TRANK1: variants seen among roughly 807,000 people sequenced by gnomAD.
TRANK1 encodes TPR and ankyrin repeat-containing protein 1.
TRANK1 carries 198 observed loss-of-function variants against 266.0 expected under a neutral mutation model. The observed-to-expected ratio is 0.74, with a 90% CI of 0.66 to 0.84. The LOEUF is 0.84. Among genes scored for constraint, TRANK1 ranks in the 40% least tolerant of loss-of-function variants. The probability of loss-of-function intolerance (pLI) is 0.00; values close to 1 mark genes in which losing one functional copy is unlikely to be tolerated. For missense variants in TRANK1, 3,326 were observed against 3,634.6 expected (o/e 0.92, Z 2.18); for synonymous variants, 1,396 against 1,384.1 (o/e 1.01, Z -0.19).
rs1456120887 is a variant in TRANK1, at chr3:36,832,093, T to A, written c.7490A>T (p.Asp2497Val). The A allele has an allele frequency of 1.9e-6, 3 of 1,613,914 alleles. No homozygotes were observed. The highest frequency in any genetic ancestry group is 1.7e-6 in the Non-Finnish European group (2 of 1,179,908). ...HYWEFLFSKKDKELGDVFSII... is the reference protein window; with the variant it reads ...HYWEFLFSKKVKELGDVFSII... Reference sequence around the variant, plus strand: ...GGAGAACACATCCCCAAGCTCCTTGTCCTTCTTGCTAAACAGGAACTCCCA... The same window carrying A: ...GGAGAACACATCCCCAAGCTCCTTGACCTTCTTGCTAAACAGGAACTCCCA... The change falls in exon 22 of 24, where the codon GAC (aspartate) becomes GTC (valine). Residue 2497 changes from aspartate (D) to valine (V), a missense_variant. Physicochemically the swap from Asp to Val is radical, Grantham distance 152. Transcript: ENST00000645898.
Position 36,903,199 on chromosome 3 carries a change from C to T in TRANK1, c.232G>A (p.Ala78Thr), listed in dbSNP as rs1318098355. 5.9e-6 allele frequency: 9 copies of T among 1,537,362 alleles called. No individual in the cohort carries two copies. The highest frequency in any genetic ancestry group is 7.8e-6 in the Non-Finnish European group (9 of 1,146,944). Residue 78 changes from alanine to threonine, a missense_variant, in exon 3 of 24, where the codon GCA (alanine) becomes ACA (threonine). Coordinates refer to ENST00000645898, the MANE Select transcript of TRANK1 (RefSeq NM_001329998.2). ...AGACATTCCTTGGCAGCAACAAATGCCTCATTCCACTTCCCAAGGCTGAAA... is the reference window on the plus strand; with the variant it reads ...AGACATTCCTTGGCAGCAACAAATGTCTCATTCCACTTCCCAAGGCTGAAA... ...AFFSLGKWNE[A>T]FVAAKECLQW...
At chr3:36,846,736 C>T (rs1049180359) in intron 16 of TRANK1, among the ~76,000 whole-genome samples, 9 of 152,172 alleles carry the variant, frequency 5.9e-5, no homozygotes, top group African/African-American at 1.9e-4. Context: ...ATTATAGACT[C>T]ACTGAAAGTT....
intron 18 of TRANK1, among the ~76,000 whole-genome samples, chr3:36,840,253 T>G (rs1199856613): frequency 6.6e-6 from 1 of 151,884 alleles, no homozygotes; most frequent in Non-Finnish European, 1.5e-5. Context: ...AAAAAAATTC[T>G]TGGTTTCATA....
At position 36,827,923 on chromosome 3, in the gene TRANK1, C is replaced by T; in HGVS notation, c.*352G>A. ...CTGAGGTGAGGAGAGTCTGTCCTAA[C>T]ACCTAGTCCTCTGCTACCAACTCAT... On this transcript the variant is annotated 3_prime_UTR_variant, in exon 24 of 24. Coordinates refer to ENST00000645898, the MANE Select transcript of TRANK1 (RefSeq NM_001329998.2). The T allele has an allele frequency of 4.6e-6, 1 of 216,240 alleles. No homozygotes were observed. Among genetic ancestry groups the T allele is most frequent in the Non-Finnish European group, 9.4e-6 (1 of 106,164 alleles). The allele number at this position is 216,240 out of a possible 1,614,324, so 13.4% of individuals were successfully genotyped here.
At chr3:36,873,006 T>C (rs1316863439) in intron 9 of TRANK1, among the ~76,000 whole-genome samples, 1 of 152,180 alleles carries the variant, frequency 6.6e-6, no homozygotes, top group Admixed American at 6.5e-5. Flanking sequence ...AATTTATACA[T>C]TGTGAGGAAC....
rs1212700392 is a variant in TRANK1, at chr3:36,855,296, A to G, written c.4426T>C (p.Phe1476Leu). 3.7e-6 allele frequency: 6 copies of G among 1,614,074 alleles called. No homozygotes were observed. The highest frequency in any genetic ancestry group is 5.1e-6 in the Non-Finnish European group (6 of 1,179,904). The change falls in exon 13 of 24, where the codon TTC (phenylalanine) becomes CTC (leucine). Residue 1476 changes from phenylalanine (F) to leucine (L), a missense_variant. Transcript: ENST00000645898. ...AGAGAGCGCAGATCGCTGAAGCGGA[A>G]GGCCACGCCCTTCATGATGCTCTGG... ...TAQSIMKGVA[F>L]RFSDLRSLFH...
At chr3:36,918,090 T>C (rs990251489) in intron 1 of TRANK1, among the ~76,000 whole-genome samples, 1 of 152,130 alleles carries the variant, frequency 6.6e-6, no homozygotes, top group East Asian at 1.9e-4. Flanking sequence ...AAGGAAATCC[T>C]GACACAAGAT....
chr3:36,838,823 G>T, intron 18 of TRANK1, 107 bp from the exon 19 acceptor site: 1 of 1,108,902 alleles, frequency 9.0e-7, no homozygotes, highest in East Asian at 2.6e-5. Flanking sequence ...ATGAAGTCTT[G>T]CTCCAGCCCA....
At chr3:36,916,079 T>C (rs542585596) in intron 1 of TRANK1, among the ~76,000 whole-genome samples, 55 of 152,344 alleles carry the variant, frequency 3.6e-4, no homozygotes, top group African/African-American at 1.2e-3. Flanking sequence ...AAATGTTCAA[T>C]TTTATACTAT....
chr3:36,833,154 G>T lies in TRANK1; in HGVS notation c.6429C>A (p.Asp2143Glu). 6.2e-7 allele frequency: 1 copy of T among 1,613,462 alleles called. No homozygotes were observed. The highest frequency in any genetic ancestry group is 8.5e-7 in the Non-Finnish European group (1 of 1,179,648). Residue 2143 changes from aspartate to glutamate, a missense_variant, in exon 22 of 24, where the codon GAC (aspartate) becomes GAA (glutamate). Coordinates refer to ENST00000645898, the MANE Select transcript of TRANK1 (RefSeq NM_001329998.2). ...DPGPILRIIF[D>E]LDLNLREKKT... ...TTTTCTCTCTCAAGTTCAAATCCAGGTCAAAAATTATTCTTAATATGGGCC... is the reference window on the plus strand; with the variant it reads ...TTTTCTCTCTCAAGTTCAAATCCAGTTCAAAAATTATTCTTAATATGGGCC...
chr3:36,918,522 A>AAGGAAGGAAGGAAG (rs1559473312), intron 1 of TRANK1, among the ~76,000 whole-genome samples: 1 of 28,972 alleles, frequency 3.5e-5, no homozygotes, highest in African/African-American at 1.5e-4. Flanking sequence ...AAAGAAAGAA[A>AAGGAAGGAAGGAAG]GAAAGAAAGA....
At position 36,857,234 on chromosome 3, in the gene TRANK1, C is replaced by T. The variant is rs772268133; in HGVS notation, c.2488G>A (p.Asp830Asn). The T allele has an allele frequency of 3.7e-6, 6 of 1,613,492 alleles. No individual in the cohort carries two copies. Among genetic ancestry groups the T allele is most frequent in the East Asian group, 2.2e-5 (1 of 44,876 alleles). The change falls in exon 13 of 24, where the codon GAT becomes AAT. Residue 830 changes from aspartate (D) to asparagine (N), a missense_variant. Transcript: ENST00000645898. This position sits in a 1 kb window ranked among gnomAD's most constrained non-coding sequence, Gnocchi z 4.3. ...QEIEACLQDF[D>N]NMTWEIECTS... Reference sequence around the variant, plus strand: ...CACTCGATCTCCCAGGTCATGTTATCGAAGTCCTGGAGGCAGGCCTCAATC... The same window carrying T: ...CACTCGATCTCCCAGGTCATGTTATTGAAGTCCTGGAGGCAGGCCTCAATC...
chr3:36,842,137 C>G (rs151331378), intron 18 of TRANK1, among the ~76,000 whole-genome samples: 1 of 152,166 alleles, frequency 6.6e-6, no homozygotes, highest in East Asian at 1.9e-4. Flanking sequence ...ACCACTAACA[C>G]GGCTTGTAAC....
In TRANK1 at chr3:36,862,876, C is replaced by T. The variant is rs142709790; in HGVS notation, c.1240+1443G>A. 4.3e-3 allele frequency among the ~76,000 whole-genome samples: 661 copies of T among 152,244 alleles called. 6 individuals carry two copies. The highest frequency in any genetic ancestry group is 0.015 in the African/African-American group (611 of 41,532). On this transcript the variant is annotated intron_variant, in intron 10 of 23. Coordinates refer to ENST00000645898, the MANE Select transcript of TRANK1 (RefSeq NM_001329998.2). Reference sequence around the variant, plus strand: ...TCCCTGAAGCCAGCTGTACTTGAAGCCAGCCTGGCACTTTTATTAGGAGAG... The same window carrying T: ...TCCCTGAAGCCAGCTGTACTTGAAGTCAGCCTGGCACTTTTATTAGGAGAG...
At chr3:36,907,767 A>T (rs192003383) in intron 2 of TRANK1, among the ~76,000 whole-genome samples, 58 of 152,216 alleles carry the variant, frequency 3.8e-4, no homozygotes, top group African/African-American at 1.3e-3. Context: ...CCCGGCCAAT[A>T]TTTTTAAATA....
In TRANK1 at chr3:36,856,089, C is replaced by G; in HGVS notation, c.3633G>C (p.Glu1211Asp). ...TAGTGGCCTTGGTGGACTTGGAAAG[C>G]TCAATGAAATTCCTTTGTACCTCCT... ...LCQEVQRNFI[E>D]LSKSTKATSH... Residue 1211 changes from glutamate to aspartate, a missense_variant, in exon 13 of 24, where the codon GAG (glutamate) becomes GAC (aspartate). By Grantham distance (45) the Glu-to-Asp change is conservative. Coordinates refer to ENST00000645898, the MANE Select transcript of TRANK1 (RefSeq NM_001329998.2). 1 of 1,613,764 alleles carries G rather than the reference C, an allele frequency of 6.2e-7. No homozygotes were observed. The highest frequency in any genetic ancestry group is 8.5e-7 in the Non-Finnish European group (1 of 1,179,860).
chr3:36,873,297 G>A (rs561497904), intron 9 of TRANK1, among the ~76,000 whole-genome samples: 1 of 152,228 alleles, frequency 6.6e-6, no homozygotes, highest in South Asian at 2.1e-4. Context: ...AAACTTACTT[G>A]ACCAAGTACT....
chr3:36,829,472 G>T, intron 23 of TRANK1, 92 bp downstream of exon 23: 1 of 1,229,162 alleles, frequency 8.1e-7, no homozygotes, highest in Non-Finnish European at 1.2e-6. Context: ...ACATCACTGG[G>T]CTGCCCCACT....
At chr3:36,894,668 C>T (rs1370968228) in intron 5 of TRANK1, among the ~76,000 whole-genome samples, 11 of 152,204 alleles carry the variant, frequency 7.2e-5, no homozygotes, top group Admixed American at 7.2e-4. Context: ...GAGAGCCCCA[C>T]AGATTTCATT....
Sources: allele counts gnomAD v4.1 joint callset (sites outside exome capture counted in the v4.1 genomes callset), GRCh38; gene constraint gnomAD v4.1.1; non-coding constraint Gnocchi (gnomAD v3.1); transcripts MANE v1.5; gene names NCBI Gene and HGNC (gene_info 2026-07-23, HGNC 2026-07-21).